Variants in ZRANB3 observed in about 807,000 individuals in gnomAD.
ZRANB3 encodes the protein zinc finger RANBP2-type containing 3.
In ZRANB3, 125 loss-of-function variants were observed where a neutral mutation model predicts 133.8. The observed-to-expected ratio is 0.93, with a 90% CI of 0.81 to 1.08. The LOEUF (loss-of-function observed/expected upper bound fraction) is 1.08, where lower values mean the gene tolerates loss of function less well. Ranked by LOEUF, ZRANB3 falls within the 50% of genes least tolerant of loss-of-function variation. The pLI is 0.00. For synonymous variants in ZRANB3, 387 were observed against 432.7 expected, an observed-to-expected ratio of 0.89 and a Z score of 1.31; for missense variants, 1,229 against 1,275.5, an observed-to-expected ratio of 0.96 and a Z score of 0.56.
At chr2:135,218,009 C>T (rs752144762) in intron 16 of ZRANB3, among the ~76,000 whole-genome samples, 1 of 152,104 alleles carries the variant, frequency 6.6e-6, no homozygotes, top group Admixed American at 6.5e-5. Flanking sequence ...GACAGGGTCT[C>T]ACTATGTTGC....
At chr2:135,247,553 TA>T (rs1265596792) in intron 12 of ZRANB3, among the ~76,000 whole-genome samples, 1 of 152,132 alleles carries the variant, frequency 6.6e-6, no homozygotes, top group Non-Finnish European at 1.5e-5. Context: ...TACTTATTAT[TA>T]TTTTTTTTTA....
intron 2 of ZRANB3, among the ~76,000 whole-genome samples, chr2:135,485,772 G>A (rs1692090003): frequency 6.6e-6 from 1 of 152,184 alleles, no homozygotes; most frequent in Non-Finnish European, 1.5e-5. Flanking sequence ...GTATGCAATA[G>A]CATTATGTCT....
Position 135,521,429 on chromosome 2 carries a change from G to A in ZRANB3, c.-8+9698C>T, listed in dbSNP as rs547900520. ...GGGCATGGTGGCAAGCTACTTGGGA[G>A]GCTGACAGAGGACAATCGCTTGAAC... On this transcript the variant is annotated intron_variant, in intron 1 of 20. Transcript: ENST00000264159. 3.9e-5 allele frequency among the ~76,000 whole-genome samples: 6 copies of A among 152,272 alleles called. No individual in the cohort carries two copies. The South Asian group carries it at 6.2e-4, about 16-fold the overall frequency.
At chr2:135,314,086 A>G (rs1328610622) in intron 7 of ZRANB3, among the ~76,000 whole-genome samples, 3 of 152,064 alleles carry the variant, frequency 2.0e-5, no homozygotes, top group Non-Finnish European at 1.5e-5. Context: ...CTGGTCTCGA[A>G]CTCCTAACCT....
chr2:135,385,165 G>A (rs1389153858), intron 3 of ZRANB3, among the ~76,000 whole-genome samples: 1 of 152,098 alleles, frequency 6.6e-6, no homozygotes, highest in African/African-American at 2.4e-5. Context: ...AAATCAATGT[G>A]CAAAAATCAC....
At chr2:135,323,236 T>C (rs1286876391) in intron 6 of ZRANB3, among the ~76,000 whole-genome samples, 1 of 152,108 alleles carries the variant, frequency 6.6e-6, no homozygotes, top group Non-Finnish European at 1.5e-5. Context: ...CATGATAGAA[T>C]TGGGGGAAAA....
At chr2:135,331,229 T>G (rs913891688) in intron 6 of ZRANB3, among the ~76,000 whole-genome samples, 5 of 152,222 alleles carry the variant, frequency 3.3e-5, no homozygotes, top group Admixed American at 2.0e-4. Flanking sequence ...ACACACTGCT[T>G]TAAATGTGTC....
At chr2:135,491,323 G>T (rs957535441) in intron 2 of ZRANB3, among the ~76,000 whole-genome samples, 1 of 150,888 alleles carries the variant, frequency 6.6e-6, no homozygotes, top group Admixed American at 6.6e-5. Flanking sequence ...AGTTGGTAAA[G>T]AAATAATGTT....
intron 2 of ZRANB3, among the ~76,000 whole-genome samples, chr2:135,473,641 G>C (rs546176610): frequency 7.2e-5 from 11 of 152,022 alleles, no homozygotes; most frequent in Non-Finnish European, 1.6e-4. Flanking sequence ...ACATCATTAA[G>C]TAAGCCCACA....
chr2:135,387,699 A>G (rs1255686351), intron 3 of ZRANB3, among the ~76,000 whole-genome samples: 2 of 152,330 alleles, frequency 1.3e-5, no homozygotes, highest in Non-Finnish European at 2.9e-5. Context: ...AAAAGAGAGA[A>G]GTAATTAAGT....
chr2:135,317,024 A>G (rs1573899176), intron 6 of ZRANB3, among the ~76,000 whole-genome samples: 1 of 150,862 alleles, frequency 6.6e-6, no homozygotes, highest in African/African-American at 2.4e-5. Context: ...AGTCAATTAC[A>G]TAAGTATAGT....
chr2:135,494,166 G>A (rs1441095206), intron 2 of ZRANB3, among the ~76,000 whole-genome samples: 133 of 104,520 alleles, frequency 1.3e-3, no homozygotes, highest in African/African-American at 4.6e-3. Context: ...AGGAAGGAAG[G>A]GAGGGAGGGA....
At chr2:135,426,967 A>T (rs1689123761) in intron 2 of ZRANB3, among the ~76,000 whole-genome samples, 1 of 143,702 alleles carries the variant, frequency 7.0e-6, no homozygotes, top group African/African-American at 2.5e-5. Flanking sequence ...CAAAAACCAC[A>T]TAATGATCTC....
At chr2:135,391,543 T>C (rs902015794) in intron 2 of ZRANB3, among the ~76,000 whole-genome samples, 1 of 152,104 alleles carries the variant, frequency 6.6e-6, no homozygotes, top group African/African-American at 2.4e-5. Context: ...CATAACTATA[T>C]ATGCTAAGCC....
At chr2:135,418,658 G>A (rs1050852633) in intron 2 of ZRANB3, among the ~76,000 whole-genome samples, 1 of 152,090 alleles carries the variant, frequency 6.6e-6, no homozygotes, top group Non-Finnish European at 1.5e-5. Flanking sequence ...GATAGCCTCA[G>A]GAATTTAGGT....
intron 1 of ZRANB3, among the ~76,000 whole-genome samples, chr2:135,507,366 A>G (rs1178190528): frequency 6.6e-6 from 1 of 152,204 alleles, no homozygotes; most frequent in African/African-American, 2.4e-5. Context: ...ATGGATACAC[A>G]CAAGAAATAT....
At chr2:135,272,615 G>A (rs140602020) in intron 9 of ZRANB3, among the ~76,000 whole-genome samples, 25 of 151,674 alleles carry the variant, frequency 1.6e-4, no homozygotes, top group African/African-American at 6.0e-4. Flanking sequence ...GGGTTTCACA[G>A]TGTTAGCCAG....
At chr2:135,486,776 T>C (rs1574185619) in intron 2 of ZRANB3, among the ~76,000 whole-genome samples, 1 of 152,114 alleles carries the variant, frequency 6.6e-6, no homozygotes, top group Non-Finnish European at 1.5e-5. Flanking sequence ...GCCTCCCAAA[T>C]TGCTGGGATT....
At chr2:135,500,323 A>T (rs1346739195) in intron 2 of ZRANB3, among the ~76,000 whole-genome samples, 1 of 152,210 alleles carries the variant, frequency 6.6e-6, no homozygotes, top group Admixed American at 6.5e-5. Context: ...AAAGATTTGT[A>T]TAAGAACATT....
Sources: gnomAD v4.1 joint callset for allele counts (sites outside exome capture counted in the v4.1 genomes callset) on GRCh38, gnomAD v4.1.1 for gene constraint, MANE v1.5 for transcripts, NCBI Gene and HGNC (gene_info 2026-07-23, HGNC 2026-07-21) for gene names.